VWA3A: variants seen among roughly 807,000 people sequenced by gnomAD.
VWA3A encodes the protein von Willebrand factor A domain containing 3A, also known as von Willebrand factor A domain-containing protein 3A.
In VWA3A, 134 loss-of-function variants were observed where a neutral mutation model predicts 160.4. That is an observed-to-expected ratio of 0.84 (90% CI 0.73 to 0.96). The LOEUF is 0.96. Among genes scored for constraint, VWA3A ranks in the 40% least tolerant of loss-of-function variants. The probability of loss-of-function intolerance (pLI) is 0.00; values close to 1 mark genes in which losing one functional copy is unlikely to be tolerated. For missense variants in VWA3A, 1,310 were observed against 1,447.9 expected (o/e 0.90, Z 1.55); for synonymous variants, 476 against 543.4 (o/e 0.88, Z 1.72).
intron 19 of VWA3A, among the ~76,000 whole-genome samples, chr16:22,132,627 T>C (rs1210472089): frequency 6.6e-6 from 1 of 151,950 alleles, no homozygotes; most frequent in Non-Finnish European, 1.5e-5. Context: ...AGCCTGGGAG[T>C]CTGCATTTCT....
chr16:22,106,471 G>A (rs1598050452), intron 6 of VWA3A, among the ~76,000 whole-genome samples: 1 of 152,204 alleles, frequency 6.6e-6, no homozygotes, highest in East Asian at 1.9e-4. Context: ...TAAAGAAAGT[G>A]TGGGGGTAAG....
intron 6 of VWA3A, among the ~76,000 whole-genome samples, chr16:22,107,640 G>A (rs2045500078): frequency 6.6e-6 from 1 of 152,208 alleles, no homozygotes; most frequent in South Asian, 2.1e-4. Context: ...CAGCTACTTA[G>A]GAGATTGAGG....
intron 3 of VWA3A, among the ~76,000 whole-genome samples, chr16:22,098,707 T>C (rs1273239855): frequency 6.6e-6 from 1 of 152,048 alleles, no homozygotes; most frequent in African/African-American, 2.4e-5. Flanking sequence ...CAAGTATGAA[T>C]AATACAAAAT....
rs1053427400 is a variant in VWA3A at position 22,094,045 on chromosome 16, A to T, written c.14+1394A>T. 5.1e-4 allele frequency among the ~76,000 whole-genome samples: 78 copies of T among 151,894 alleles called. 1 individual carries two copies. Among genetic ancestry groups the T allele is most frequent in the African/African-American group, 1.8e-3 (75 of 41,346 alleles). On this transcript the variant is annotated intron_variant, in intron 1 of 33. Transcript: ENST00000389398. ...TGCCTCAGCCTCCCAATGTGCTGGG[A>T]TTGCAGGCATGAGCCATTGCACCCG...
At chr16:22,153,860 C>T (rs1031068703) in intron 31 of VWA3A, among the ~76,000 whole-genome samples, 4 of 151,782 alleles carry the variant, frequency 2.6e-5, no homozygotes, top group Admixed American at 2.0e-4. Flanking sequence ...CCACCTCAGC[C>T]TGCAGAGTAG....
intron 17 of VWA3A, among the ~76,000 whole-genome samples, chr16:22,127,789 A>G (rs1263179274): frequency 6.6e-6 from 1 of 152,230 alleles, no homozygotes; most frequent in Non-Finnish European, 1.5e-5. Flanking sequence ...CGAGGAACTC[A>G]TGGCCTAACA....
chr16:22,127,167 C>T (rs777265518), intron 17 of VWA3A, among the ~76,000 whole-genome samples: 2 of 151,706 alleles, frequency 1.3e-5, no homozygotes, highest in Non-Finnish European at 2.9e-5. Context: ...CGCTCTGTTG[C>T]CCTGACTGGA....
At chr16:22,094,263 A>G (rs1232216939) in intron 1 of VWA3A, among the ~76,000 whole-genome samples, 1 of 151,512 alleles carries the variant, frequency 6.6e-6, no homozygotes, top group Non-Finnish European at 1.5e-5. Context: ...AGGCATTTCT[A>G]TTTCAACAGT....
intron 8 of VWA3A, among the ~76,000 whole-genome samples, chr16:22,112,477 G>C (rs959668144): frequency 6.6e-6 from 1 of 152,292 alleles, no homozygotes; most frequent in Non-Finnish European, 1.5e-5. Flanking sequence ...CCAGGACTTC[G>C]GGAGGCCAAG....
intron 13 of VWA3A, 129 bp from the exon 14 acceptor site, chr16:22,121,385 A>G: frequency 1.2e-6 from 1 of 825,290 alleles, no homozygotes; most frequent in Non-Finnish European, 2.0e-6. Context: ...TTGAGGATGC[A>G]GTGAGTTATG....
chr16:22,154,659 A>G (rs2046407154), intron 31 of VWA3A, among the ~76,000 whole-genome samples: 1 of 151,556 alleles, frequency 6.6e-6, no homozygotes, highest in South Asian at 2.1e-4. Context: ...CATTTTTTTT[A>G]AAAAGCATGC....
intron 20 of VWA3A, among the ~76,000 whole-genome samples, chr16:22,133,789 C>T (rs2045991236): frequency 1.3e-5 from 2 of 151,840 alleles, no homozygotes; most frequent in Admixed American, 1.3e-4. Context: ...CAAGACCATC[C>T]TGGGCAACAT....
chr16:22,124,136 G>A (rs1235222104), intron 16 of VWA3A, among the ~76,000 whole-genome samples: 10 of 144,448 alleles, frequency 6.9e-5, no homozygotes, highest in African/African-American at 1.3e-4. Context: ...GGCTATGATC[G>A]TGCCACTGTA....
At chr16:22,137,638 C>T (rs2046069552) in intron 21 of VWA3A, among the ~76,000 whole-genome samples, 2 of 152,152 alleles carry the variant, frequency 1.3e-5, no homozygotes, top group South Asian at 2.1e-4. Context: ...GAGGGAACCT[C>T]AAATTTGGTG....
In VWA3A at chr16:22,100,203, G is replaced by A. The variant is rs190338602; in HGVS notation, c.235G>A (p.Gly79Arg). Residue 79 changes from glycine to arginine, a missense_variant, in exon 4 of 34, where the codon GGG (glycine) becomes AGG (arginine). Coordinates refer to ENST00000389398, the MANE Select transcript of VWA3A (RefSeq NM_173615.5). ...GGCTTTTGTCTTGCAGAGGCTGCAG[G>A]GGAGTGAGACCCAGTCTTCAGATTG... is the stretch of plus-strand genomic sequence containing the variant. ...NQTQDLLRLQ[G>R]SETQSSDWED... 18 of 1,547,710 alleles carry A rather than the reference G, an allele frequency of 1.2e-5. No individual in the cohort carries two copies. In the East Asian group the frequency reaches 4.2e-4, roughly 36 times the overall value.
chr16:22,102,357 A>AAAG (rs34102330), intron 5 of VWA3A, among the ~76,000 whole-genome samples: 2 of 151,868 alleles, frequency 1.3e-5, no homozygotes, highest in Middle Eastern at 3.4e-3. Flanking sequence ...TCTCAAATAA[A>AAAG]AAGAAGAAGA....
intron 11 of VWA3A, 21 bp from the exon 12 acceptor site, chr16:22,118,881 G>C: frequency 6.2e-7 from 1 of 1,613,592 alleles, no homozygotes; most frequent in Non-Finnish European, 8.5e-7. Context: ...CCGGATGTCT[G>C]ATTGCTCTTG....
chr16:22,099,112 A>T (rs1341359210), intron 3 of VWA3A, among the ~76,000 whole-genome samples: 2 of 151,604 alleles, frequency 1.3e-5, no homozygotes, highest in Non-Finnish European at 2.9e-5. Flanking sequence ...AAAAAAAAAA[A>T]GTACCATGCT....
At chr16:22,124,186 CAAAAAA>C (rs11426931) in intron 16 of VWA3A, among the ~76,000 whole-genome samples, 9 of 46,608 alleles carry the variant, frequency 1.9e-4, no homozygotes, top group Non-Finnish European at 2.8e-4. Flanking sequence ...GTGTCTACCA[CAAAAAA>C]AAAAAAAAAA....
Sources: allele counts gnomAD v4.1 joint callset (sites outside exome capture counted in the v4.1 genomes callset), GRCh38; gene constraint gnomAD v4.1.1; transcripts MANE v1.5; gene names NCBI Gene and HGNC (gene_info 2026-07-23, HGNC 2026-07-21).